The following SPATS2L variants were observed in gnomAD, a reference collection of about 807,000 sequenced individuals.
SPATS2L encodes spermatogenesis associated serine rich 2 like.
In SPATS2L, 30 loss-of-function variants were observed where a neutral mutation model predicts 59.6. That is an observed-to-expected ratio of 0.50 (90% confidence interval 0.38 to 0.68). The LOEUF is 0.68. SPATS2L is among the 30% of genes least tolerant of loss of function. SPATS2L has a pLI of 0.00. For synonymous variants in SPATS2L, 252 were observed against 263.5 expected (o/e 0.96, Z 0.42); for missense variants, 615 against 700.0 (o/e 0.88, Z 1.37).
chr2:200,332,490 T>A (rs2105798570), intron 2 of SPATS2L, among the ~76,000 whole-genome samples: 1 of 152,260 alleles, frequency 6.6e-6, no homozygotes, highest in South Asian at 2.1e-4. Flanking sequence ...TAAGCGATCC[T>A]CCCACCTTGG....
chr2:200,323,673 G>A (rs923451442), intron 1 of SPATS2L, among the ~76,000 whole-genome samples: 3 of 152,092 alleles, frequency 2.0e-5, no homozygotes, highest in Non-Finnish European at 2.9e-5. Context: ...AGGGAAGGGG[G>A]CCTTTTGACT....
chr2:200,322,798 TTC>T (rs1488309907), intron 1 of SPATS2L, among the ~76,000 whole-genome samples: 1 of 152,222 alleles, frequency 6.6e-6, no homozygotes, highest in Non-Finnish European at 1.5e-5. Context: ...TGGGTTTCAA[TTC>T]TTAGTAAAAA....
At chr2:200,380,005 G>A (rs566582525) in intron 2 of SPATS2L, among the ~76,000 whole-genome samples, 63 of 152,232 alleles carry the variant, frequency 4.1e-4, no homozygotes, top group African/African-American at 1.4e-3. Flanking sequence ...CCTTATAGGA[G>A]CCAGCATTGG....
chr2:200,477,150 A>T (rs2106258712), intron 12 of SPATS2L, among the ~76,000 whole-genome samples: 1 of 152,230 alleles, frequency 6.6e-6, no homozygotes, highest in East Asian at 1.9e-4. Flanking sequence ...TTGAGCAGGA[A>T]AACAGGAATG....
chr2:200,329,429 A>C lies in SPATS2L; in HGVS notation c.-72-2A>C. On this transcript the variant is annotated splice_acceptor_variant, in intron 1 of 12. Coordinates refer to ENST00000409140, the MANE Select transcript of SPATS2L (RefSeq NM_001100423.2). LOFTEE classifies it low-confidence loss of function (5UTR_SPLICE). Reference sequence around the variant, plus strand: ...GACTTCCCAAATTTCCATTTTTCCTAGAGCTCTTCAGAAACCAGGCTGCTT... The same window carrying C: ...GACTTCCCAAATTTCCATTTTTCCTCGAGCTCTTCAGAAACCAGGCTGCTT... 4 of 1,549,992 alleles carry C rather than the reference A, an allele frequency of 2.6e-6. No homozygotes were observed. Among genetic ancestry groups the C allele is most frequent in the Non-Finnish European group, 3.5e-6 (4 of 1,146,520 alleles).
chr2:200,439,362 A>G (rs1457211879), intron 7 of SPATS2L, 34 bp downstream of exon 7: 5 of 1,566,694 alleles, frequency 3.2e-6, no homozygotes, highest in Non-Finnish European at 3.5e-6. Context: ...ATGATTCAAC[A>G]TATTTTGCAC....
chr2:200,396,829 C>CA (rs1348375506), intron 3 of SPATS2L, among the ~76,000 whole-genome samples: 2 of 152,196 alleles, frequency 1.3e-5, no homozygotes, highest in African/African-American at 2.4e-5. Flanking sequence ...ACAAGCCACA[C>CA]AGCTTTCAGA....
chr2:200,311,349 G>A (rs950684000), intron 1 of SPATS2L, among the ~76,000 whole-genome samples: 1 of 152,110 alleles, frequency 6.6e-6, no homozygotes, highest in African/African-American at 2.4e-5. Context: ...CTGAGGACTC[G>A]GCATTTCCCA....
intron 6 of SPATS2L, among the ~76,000 whole-genome samples, chr2:200,422,680 G>T (rs1284327260): frequency 6.6e-6 from 1 of 152,078 alleles, no homozygotes; most frequent in African/African-American, 2.4e-5. Context: ...TTTAAAATGA[G>T]TTTTTAGCTA....
chr2:200,319,461 A>G (rs1048331888), intron 1 of SPATS2L, among the ~76,000 whole-genome samples: 6 of 148,910 alleles, frequency 4.0e-5, no homozygotes, highest in Non-Finnish European at 8.9e-5. Context: ...GCTACTCAGG[A>G]GGCTGAGGCA....
chr2:200,474,595 G>C (rs1007252126), intron 12 of SPATS2L, among the ~76,000 whole-genome samples: 4 of 152,140 alleles, frequency 2.6e-5, no homozygotes, highest in African/African-American at 9.7e-5. Flanking sequence ...GAGCCACCAT[G>C]CCTGGCCTCT....
intron 2 of SPATS2L, among the ~76,000 whole-genome samples, chr2:200,339,941 C>T (rs577103252): frequency 6.6e-6 from 1 of 152,216 alleles, no homozygotes; most frequent in African/African-American, 2.4e-5. Context: ...ACCTTTGTGT[C>T]GGGGGTGCCC....
At chr2:200,339,447 A>G (rs995177590) in intron 2 of SPATS2L, among the ~76,000 whole-genome samples, 1 of 152,184 alleles carries the variant, frequency 6.6e-6, no homozygotes, top group African/African-American at 2.4e-5. Flanking sequence ...GTTTGAAAAT[A>G]TGGGAACTTC....
At chr2:200,445,902 T>C (rs1364712282) in intron 8 of SPATS2L, among the ~76,000 whole-genome samples, 1 of 152,176 alleles carries the variant, frequency 6.6e-6, no homozygotes, top group African/African-American at 2.4e-5. Context: ...CAACTTCACA[T>C]TAAAAGATGA....
intron 1 of SPATS2L, among the ~76,000 whole-genome samples, chr2:200,315,176 T>TA (rs1166895052): frequency 1.3e-5 from 2 of 152,200 alleles, no homozygotes; most frequent in Admixed American, 1.3e-4. Context: ...CCTATTGGCA[T>TA]AGAGAAGTAG....
At chr2:200,325,231 A>G (rs1215464765) in intron 1 of SPATS2L, among the ~76,000 whole-genome samples, 1 of 152,200 alleles carries the variant, frequency 6.6e-6, no homozygotes, top group African/African-American at 2.4e-5. Context: ...TTTTATTGTG[A>G]TAGCTGTGGT....
chr2:200,306,775 C>T lies in SPATS2L; in HGVS notation c.-220C>T, dbSNP rs1023752704. 2 of 981,880 alleles carry T rather than the reference C, an allele frequency of 2.0e-6. No homozygotes were observed. The highest frequency in any genetic ancestry group is 2.4e-6 in the Non-Finnish European group (2 of 828,402). 60.8% of individuals were successfully genotyped at this position (981,880 alleles called of 1,614,324 possible). On this transcript the variant is annotated 5_prime_UTR_variant, in exon 1 of 13. Transcript: ENST00000409140. ...AAGCGCCGGCAGCGCGGGGCGAGCT[C>T]CGGACGGCGCGCGGCCCAGGCAGCG...
At chr2:200,462,940 C>CAAT (rs59711465) in intron 9 of SPATS2L, among the ~76,000 whole-genome samples, 27 of 150,714 alleles carry the variant, frequency 1.8e-4, no homozygotes, top group Admixed American at 7.9e-4. Context: ...ATAATAATAA[C>CAAT]AATAATAATA....
intron 10 of SPATS2L, 60 bp from the exon 11 acceptor site, chr2:200,469,853 CG>C (rs1201659068): frequency 1.5e-6 from 2 of 1,334,294 alleles, no homozygotes; most frequent in Middle Eastern, 1.8e-4. Context: ...AACGCATCCA[CG>C]GGGGTGCCTT....
Sources: gnomAD v4.1 joint callset for allele counts (sites outside exome capture counted in the v4.1 genomes callset) on GRCh38, gnomAD v4.1.1 for gene constraint, MANE v1.5 for transcripts, NCBI Gene and HGNC (gene_info 2026-07-23, HGNC 2026-07-21) for gene names.